MPP4: variants seen among roughly 807,000 people sequenced by gnomAD.
The protein encoded by MPP4 is MAGUK p55 scaffold protein 4.
MPP4 carries 91 observed loss-of-function variants against 98.3 expected under a neutral mutation model. The observed-to-expected ratio is 0.93, with a 90% CI of 0.78 to 1.10. The LOEUF (loss-of-function observed/expected upper bound fraction) is 1.10. Ranked by LOEUF, MPP4 falls within the 50% of genes least tolerant of loss-of-function variation. The pLI is 0.00. For missense variants in MPP4, 744 were observed against 792.9 expected (o/e 0.94, Z 0.74); for synonymous variants, 261 against 271.8 (o/e 0.96, Z 0.39).
intron 20 of MPP4, among the ~76,000 whole-genome samples, 161 bp downstream of exon 20, chr2:201,649,415 T>A (rs1010010777): frequency 6.6e-6 from 1 of 152,258 alleles, no homozygotes; most frequent in Non-Finnish European, 1.5e-5. Flanking sequence ...AGTAAAATGT[T>A]GTCAATTGAC....
intron 10 of MPP4, among the ~76,000 whole-genome samples, chr2:201,676,490 G>A (rs559410767): frequency 2.6e-4 from 39 of 152,274 alleles, no homozygotes; most frequent in African/African-American, 8.7e-4. Flanking sequence ...GGCATCGTGA[G>A]GACTAAATAA....
intron 10 of MPP4, among the ~76,000 whole-genome samples, chr2:201,676,089 C>A (rs181302848): frequency 6.6e-6 from 1 of 152,206 alleles, no homozygotes; most frequent in Non-Finnish European, 1.5e-5. Flanking sequence ...ATCTCTCAAA[C>A]TTTGGAATAC....
chr2:201,684,386 G>T (rs1273473316), intron 7 of MPP4, among the ~76,000 whole-genome samples: 2 of 152,172 alleles, frequency 1.3e-5, no homozygotes, highest in East Asian at 1.9e-4. Context: ...GAGCTAAGCA[G>T]CTTGAATCCT....
chr2:201,664,366 A>C, intron 13 of MPP4: 1 of 1,366,012 alleles, frequency 7.3e-7, no homozygotes, highest in South Asian at 1.2e-5. Context: ...TAGAAGGTGA[A>C]TAAAATAAAA....
At chr2:201,664,329 A>G in intron 13 of MPP4, 3 of 1,441,548 alleles carry the variant, frequency 2.1e-6, no homozygotes, top group Non-Finnish European at 2.8e-6. Flanking sequence ...TCAGGGGTGC[A>G]GCAGGAGCTC....
chr2:201,668,905 C>A (rs1410885912), intron 12 of MPP4, among the ~76,000 whole-genome samples: 1 of 152,146 alleles, frequency 6.6e-6, no homozygotes, highest in African/African-American at 2.4e-5. Context: ...CTCTTGCCCT[C>A]CTGTGTCATA....
chr2:201,675,836 A>G (rs1688493002), intron 10 of MPP4, among the ~76,000 whole-genome samples: 1 of 152,162 alleles, frequency 6.6e-6, no homozygotes, highest in African/African-American at 2.4e-5. Context: ...GCCTACTTCA[A>G]AGCAACTTTC....
At position 201,698,170 on chromosome 2, in the gene MPP4, A is replaced by G. The variant is rs144543974; in HGVS notation, c.-101+417T>C. ...AAAAGTATTTCCATTAGCTTTTTAA[A>G]ACGTACTATTAAATGCCACAACCCC... On this transcript the variant is annotated intron_variant, in intron 1 of 21. Transcript: ENST00000409474. 5.2e-5 allele frequency: 41 copies of G among 788,138 alleles called. No individual in the cohort carries two copies. The African/African-American group carries it at 6.2e-4, about 12-fold the overall frequency. 48.8% of individuals were successfully genotyped at this position (788,138 alleles called of 1,614,324 possible). A position where few individuals can be genotyped will look rare whatever the true frequency, so the allele number is the denominator to read the frequency against.
chr2:201,651,527 A>G, intron 18 of MPP4: 1 of 985,426 alleles, frequency 1.0e-6, no homozygotes, highest in Admixed American at 6.1e-5. Context: ...ATCCATTTTA[A>G]GCTTAAAACC....
chr2:201,650,378 G>A (rs1388188919), intron 18 of MPP4: 1 of 985,316 alleles, frequency 1.0e-6, no homozygotes, highest in African/African-American at 1.7e-5. Flanking sequence ...CTTATGGTAT[G>A]AAAAAGAATG....
intron 11 of MPP4, among the ~76,000 whole-genome samples, chr2:201,671,349 G>A (rs964497677): frequency 6.6e-6 from 1 of 152,154 alleles, no homozygotes; most frequent in Non-Finnish European, 1.5e-5. Context: ...ACAGCAGTCT[G>A]AAGTTGACCT....
chr2:201,658,659 C>A lies in MPP4; in HGVS notation c.1088-141G>T, dbSNP rs1361323028. 6.2e-6 allele frequency: 4 copies of A among 648,772 alleles called. No homozygotes were observed. In the East Asian group the frequency reaches 8.6e-5, roughly 14 times the overall value. The allele number at this position is 648,772 out of a possible 1,614,324, so 40.2% of individuals were successfully genotyped here. ...GTTGAATTTATCCTTGAGTGGCTCA[C>A]CGAATGTTCTAAGCATTTTTCATCC... On this transcript the variant is annotated intron_variant, in intron 15 of 21. Transcript: ENST00000409474.
At chr2:201,690,863 C>G (rs1276905816) in intron 3 of MPP4, among the ~76,000 whole-genome samples, 3 of 152,158 alleles carry the variant, frequency 2.0e-5, no homozygotes, top group Admixed American at 1.3e-4. Flanking sequence ...CTCCACATAC[C>G]CTTGGGAATT....
intron 14 of MPP4, among the ~76,000 whole-genome samples, chr2:201,663,574 C>T (rs942793376): frequency 2.0e-5 from 3 of 152,098 alleles, no homozygotes; most frequent in Non-Finnish European, 2.9e-5. Context: ...AAATTAGCCA[C>T]GCATGGTGGC....
At chr2:201,660,214 C>A in intron 15 of MPP4, 118 bp downstream of exon 15, 1 of 1,023,660 alleles carries the variant, frequency 9.8e-7, no homozygotes, top group Non-Finnish European at 1.5e-6. Context: ...AAACCATAAA[C>A]AACAACAAAT....
chr2:201,695,637 C>T (rs1422162437), intron 1 of MPP4, among the ~76,000 whole-genome samples: 1 of 152,124 alleles, frequency 6.6e-6, no homozygotes, highest in East Asian at 1.9e-4. Flanking sequence ...ATTTACACAC[C>T]AATGGCAACA....
chr2:201,650,829 T>A (rs1472786102), intron 18 of MPP4: 1 of 985,242 alleles, frequency 1.0e-6, no homozygotes, highest in African/African-American at 1.7e-5. Flanking sequence ...GAGGGAAAGA[T>A]TAGCTGAGTC....
At chr2:201,696,711 G>T (rs548863995) in intron 1 of MPP4, among the ~76,000 whole-genome samples, 1 of 152,154 alleles carries the variant, frequency 6.6e-6, no homozygotes, top group African/African-American at 2.4e-5. Flanking sequence ...ATAGGCGGTG[G>T]TTTCTTGAGT....
chr2:201,676,089 C>T (rs181302848), intron 10 of MPP4, among the ~76,000 whole-genome samples: 2 of 152,324 alleles, frequency 1.3e-5, no homozygotes, highest in East Asian at 3.9e-4. Flanking sequence ...ATCTCTCAAA[C>T]TTTGGAATAC....
Sources: allele counts gnomAD v4.1 joint callset (sites outside exome capture counted in the v4.1 genomes callset), GRCh38; gene constraint gnomAD v4.1.1; transcripts MANE v1.5; gene names NCBI Gene and HGNC (gene_info 2026-07-23, HGNC 2026-07-21).